Variants in ZNF330 observed in about 807,000 individuals in gnomAD.
The protein encoded by ZNF330 is zinc finger protein 330.
A neutral mutation model predicts 45.5 loss-of-function variants in ZNF330; 31 were observed. The ratio of observed to expected loss-of-function variants is 0.68; its 90% CI spans 0.51 to 0.92. The LOEUF is 0.92. Among genes scored for constraint, ZNF330 ranks in the 40% least tolerant of loss-of-function variants. The probability of loss-of-function intolerance (pLI) is 0.00; values close to 1 mark genes in which losing one functional copy is unlikely to be tolerated. For synonymous variants in ZNF330, 138 were observed against 123.2 expected, an observed-to-expected ratio of 1.12 and a Z score of -0.79; for missense variants, 356 against 387.4, an observed-to-expected ratio of 0.92 and a Z score of 0.68.
intron 4 of ZNF330, 97 bp from the exon 5 acceptor site, chr4:141,226,670 T>G: frequency 2.4e-6 from 2 of 846,878 alleles, no homozygotes; most frequent in Non-Finnish European, 3.8e-6. Context: ...TTTTAAATTA[T>G]TTCCTCAGGA....
chr4:141,232,251 A>T (rs1469341709), intron 8 of ZNF330, among the ~76,000 whole-genome samples: 1 of 152,086 alleles, frequency 6.6e-6, no homozygotes, highest in Non-Finnish European at 1.5e-5. Context: ...ATTTCATTTC[A>T]TCAGGGACCT....
At chr4:141,229,727 T>G in intron 6 of ZNF330, 30 bp downstream of exon 6, 1 of 1,611,942 alleles carries the variant, frequency 6.2e-7, no homozygotes, top group Non-Finnish European at 8.5e-7. Context: ...TAATGAGCTT[T>G]GTTATAGGTG....
At chr4:141,222,336 T>C (rs1728699569) in intron 1 of ZNF330, 30 bp from the exon 2 acceptor site, 15 of 1,604,144 alleles carry the variant, frequency 9.4e-6, no homozygotes, top group African/African-American at 1.4e-5. Flanking sequence ...CAGTCAATTA[T>C]ATCTTTTCTG....
rs760827591 is a variant in ZNF330, at chr4:141,224,599, A to T, written c.141-8A>T. The T allele has an allele frequency of 6.2e-7, 1 of 1,613,204 alleles. No individual in the cohort carries two copies. Among genetic ancestry groups the T allele is most frequent in the East Asian group, 2.2e-5 (1 of 44,816 alleles). On this transcript the variant is annotated splice_polypyrimidine_tract_variant and splice_region_variant and intron_variant, in intron 3 of 9. Transcript: ENST00000262990. The stretch of plus-strand genomic sequence containing the variant: ...ACCATAATTTAAAATTTTATTTTAC[A>T]TGACAAGGCGGCAGAAGAATAGAGC...
chr4:141,223,257 ATTTG>A (rs953197041), intron 2 of ZNF330, among the ~76,000 whole-genome samples: 4 of 152,120 alleles, frequency 2.6e-5, no homozygotes, highest in African/African-American at 9.7e-5. Context: ...GTATATTAGG[ATTTG>A]TTTGTTTATA....
At chr4:141,222,630 T>A in intron 2 of ZNF330, 139 bp downstream of exon 2, 2 of 843,932 alleles carry the variant, frequency 2.4e-6, no homozygotes, top group South Asian at 4.1e-5. Context: ...CTGGCACGTC[T>A]GTTGATTTCA....
At chr4:141,229,513 A>G in intron 5 of ZNF330, 58 bp from the exon 6 acceptor site, 1 of 1,605,552 alleles carries the variant, frequency 6.2e-7, no homozygotes, top group Non-Finnish European at 8.5e-7. Flanking sequence ...CCGTGGTTAA[A>G]GAATGGTTGC....
In ZNF330 at chr4:141,232,524, G is replaced by C; in HGVS notation, c.571-1G>C. ...TACTTTATTTTGCTTCTCCTATACA[G>C]GCTTGTTTCTGTGATGATCATACAA... is the stretch of plus-strand genomic sequence containing the variant. On this transcript the variant is annotated splice_acceptor_variant, in intron 8 of 9. Transcript: ENST00000262990. LOFTEE classifies it high-confidence loss of function. 1 of 1,546,926 alleles carries C rather than the reference G, an allele frequency of 6.5e-7. No individual in the cohort carries two copies. Among genetic ancestry groups the C allele is most frequent in the African/African-American group, 1.4e-5 (1 of 71,916 alleles).
rs1729016213 is a variant in ZNF330, at chr4:141,233,815, T to G, written c.789T>G (p.Gly263=). The G allele has an allele frequency of 6.2e-7, 1 of 1,613,728 alleles. No homozygotes were observed. The highest frequency in any genetic ancestry group is 8.5e-7 in the Non-Finnish European group (1 of 1,179,780). Residue 263 remains glycine (G), a synonymous_variant, in exon 10 of 10, where the codon GGT becomes GGG. Transcript: ENST00000262990. ...AGAACCTTTCATCTGATAAGTATGG[T>G]GATACCAGCTACCACGATGAGGAGG... is the stretch of plus-strand genomic sequence containing the variant. ...YWKNLSSDKY[G]DTSYHDEEED... is the part of the protein sequence containing the mutation.
chr4:141,229,756 T>G, intron 6 of ZNF330, 59 bp downstream of exon 6: 2 of 1,606,060 alleles, frequency 1.2e-6, no homozygotes, highest in Non-Finnish European at 1.7e-6. Flanking sequence ...CTTTGAAACA[T>G]TTTGAATGCT....
Position 141,224,770 on chromosome 4 carries a change from CT to C in ZNF330, c.211+95del, listed in dbSNP as rs140773979. ...GGGTTTGTTGCTATTGGTTACAGTG[CT>C]TACAATTGTTGATAATATTATGCCT... On this transcript the variant is annotated intron_variant, in intron 4 of 9. Coordinates refer to ENST00000262990, the MANE Select transcript of ZNF330 (RefSeq NM_014487.6). 711 of 1,022,456 alleles carry C rather than the reference CT, an allele frequency of 7.0e-4. 4 individuals carry two copies. In the African/African-American group the frequency reaches 0.01, roughly 15 times the overall value. 63.3% of individuals were successfully genotyped at this position (1,022,456 alleles called of 1,614,324 possible). A position where few individuals can be genotyped will look rare whatever the true frequency, so the allele number is the denominator to read the frequency against.
chr4:141,234,595 G>A lies in ZNF330; in HGVS notation c.*606G>A, dbSNP rs1195973361. On this transcript the variant is annotated 3_prime_UTR_variant, in exon 10 of 10. Transcript: ENST00000262990. ...CTTAAATGTATTGATAAGGTGACTAGTTAGCCATTTTTCAGAGATACAGTA... is the reference window on the plus strand; with the variant it reads ...CTTAAATGTATTGATAAGGTGACTAATTAGCCATTTTTCAGAGATACAGTA... 1 of 152,120 alleles carries A rather than the reference G, an allele frequency of 6.6e-6. No individual in the cohort carries two copies. Among genetic ancestry groups the A allele is most frequent in the African/African-American group, 2.4e-5 (1 of 41,422 alleles). The allele number at this position is 152,120 out of a possible 1,614,324, so 9.4% of individuals were successfully genotyped here.
Position 141,221,441 on chromosome 4 carries a change from C to A in ZNF330, c.-7+333C>A, listed in dbSNP as rs537556637. On this transcript the variant is annotated intron_variant, in intron 1 of 9. Transcript: ENST00000262990. The stretch of plus-strand genomic sequence containing the variant: ...AGGATTCAGAGGATATCTCTGAGGA[C>A]GCAGAAAGTTAATCCGCATGATCAC... Among the ~76,000 whole-genome samples the A allele has an allele frequency of 8.5e-5, 13 of 152,276 alleles. No individual in the cohort carries two copies. The East Asian group carries it at 1.5e-3, about 18-fold the overall frequency.
intron 1 of ZNF330, 100 bp from the exon 2 acceptor site, chr4:141,222,266 A>C: frequency 7.2e-7 from 1 of 1,390,570 alleles, no homozygotes; most frequent in Non-Finnish European, 9.7e-7. Flanking sequence ...TTTAACATTT[A>C]ACAAGAAAAA....
intron 2 of ZNF330, chr4:141,223,791 C>G (rs1400396838): frequency 2.2e-6 from 1 of 456,020 alleles, no homozygotes; most frequent in Non-Finnish European, 4.4e-6. Flanking sequence ...ATAAAGTTGG[C>G]TGTGTGTGGA....
At chr4:141,228,782 C>T (rs1259266953) in intron 5 of ZNF330, among the ~76,000 whole-genome samples, 2 of 151,866 alleles carry the variant, frequency 1.3e-5, no homozygotes, top group Non-Finnish European at 2.9e-5. Context: ...ATTCTGAAAT[C>T]CTGGCTTTAA....
At chr4:141,221,724 CTT>C (rs1728683519) in intron 1 of ZNF330, among the ~76,000 whole-genome samples, 1 of 152,076 alleles carries the variant, frequency 6.6e-6, no homozygotes, top group Non-Finnish European at 1.5e-5. Flanking sequence ...TAAACATACT[CTT>C]AAACGTAAAT....
rs147723411 is a variant in ZNF330 at position 141,234,519 on chromosome 4, T to G, written c.*530T>G. The G allele has an allele frequency of 4.8e-4, 74 of 152,794 alleles. 1 individual carries two copies. Among genetic ancestry groups the G allele is most frequent in the African/African-American group, 1.7e-3 (72 of 41,582 alleles). The allele number at this position is 152,794 out of a possible 1,614,324, so 9.5% of individuals were successfully genotyped here. On this transcript the variant is annotated 3_prime_UTR_variant, in exon 10 of 10. Coordinates refer to ENST00000262990, the MANE Select transcript of ZNF330 (RefSeq NM_014487.6). ...TAAGTATGTTTTAGTATTTGACTTA[T>G]TCTTCTCTTTCTTCACAATGTATGT... is the stretch of plus-strand genomic sequence containing the variant.
At chr4:141,229,150 T>C (rs962145145) in intron 5 of ZNF330, among the ~76,000 whole-genome samples, 1 of 152,132 alleles carries the variant, frequency 6.6e-6, no homozygotes, top group African/African-American at 2.4e-5. Context: ...AGAAGGTATT[T>C]TAAAAATCAG....
Sources: gnomAD v4.1 joint callset for allele counts (sites outside exome capture counted in the v4.1 genomes callset) on GRCh38, gnomAD v4.1.1 for gene constraint, MANE v1.5 for transcripts, NCBI Gene and HGNC (gene_info 2026-07-23, HGNC 2026-07-21) for gene names.